DMD: variants seen among roughly 807,000 people sequenced by gnomAD.
DMD encodes the protein dystrophin.
Under a neutral mutation model 330.1 loss-of-function variants are expected in DMD, and 63 were observed. The observed-to-expected ratio is 0.19, with a 90% CI of 0.16 to 0.24. The LOEUF (loss-of-function observed/expected upper bound fraction) is 0.24, where lower values mean the gene tolerates loss of function less well. Ranked by LOEUF, DMD falls within the 10% of genes least tolerant of loss-of-function variation. DMD has a pLI of 1.00. For synonymous variants in DMD, 1,223 were observed against 959.8 expected (o/e 1.27, Z -5.07); for missense variants, 3,344 against 2,684.1 (o/e 1.25, Z -5.43).
chrX:32,232,191 A>G (rs1298492105), intron 43 of DMD, among the ~76,000 whole-genome samples: 1 of 112,073 alleles, frequency 8.9e-6, no homozygotes. Flanking sequence ...TTCAGGAGAC[A>G]TGACCTATTC....
At chrX:32,705,141 C>T (rs2064501706) in intron 7 of DMD, among the ~76,000 whole-genome samples, 1 of 111,932 alleles carries the variant, frequency 8.9e-6, no homozygotes, top group African/African-American at 3.2e-5. Context: ...AGATATACAA[C>T]ATTTTAATTA....
At chrX:31,330,245 G>C (rs187126162) in intron 61 of DMD, among the ~76,000 whole-genome samples, 1,542 of 110,134 alleles carry the variant, frequency 0.014, 23 homozygotes, top group African/African-American at 0.046. Context: ...TACAGTGGAG[G>C]AAAACAAAAG....
At chrX:33,066,469 G>A (rs1358810411) in intron 1 of DMD, among the ~76,000 whole-genome samples, 1 of 99,958 alleles carries the variant, frequency 1.0e-5, no homozygotes, top group South Asian at 4.7e-4. Flanking sequence ...AAAAAGGAAG[G>A]AAGGAAGGAA....
intron 61 of DMD, among the ~76,000 whole-genome samples, chrX:31,341,891 G>GCGCA (rs374298104): frequency 0.036 from 3,564 of 98,797 alleles, 68 homozygotes; most frequent in South Asian, 0.088. Flanking sequence ...GTGCGCGCGC[G>GCGCA]CACACACACA....
intron 1 of DMD, among the ~76,000 whole-genome samples, chrX:33,206,289 T>C (rs1452318820): frequency 8.9e-6 from 1 of 112,110 alleles, no homozygotes; most frequent in Admixed American, 9.5e-5. Flanking sequence ...ACAATTATTT[T>C]CTTAAAATGG....
At chrX:32,757,036 A>G (rs1321846605) in intron 7 of DMD, among the ~76,000 whole-genome samples, 3 of 110,844 alleles carry the variant, frequency 2.7e-5, no homozygotes, top group African/African-American at 9.8e-5. Flanking sequence ...GATTAGCTCC[A>G]TTTTTTTTCT....
chrX:32,094,499 A>T (rs2096493787), intron 44 of DMD, among the ~76,000 whole-genome samples: 2 of 111,821 alleles, frequency 1.8e-5, no homozygotes, highest in South Asian at 7.3e-4. Context: ...TTTGTGAGAT[A>T]TCTCAATACA....
chrX:33,322,493 AG>A (rs1194866480), intron 1 of DMD, among the ~76,000 whole-genome samples: 1 of 111,549 alleles, frequency 9.0e-6, no homozygotes, highest in African/African-American at 3.3e-5. Context: ...AAATGACAAT[AG>A]TAACTTCAAA....
At chrX:31,880,284 T>C (rs768217962) in intron 47 of DMD, among the ~76,000 whole-genome samples, 1 of 111,992 alleles carries the variant, frequency 8.9e-6, no homozygotes, top group East Asian at 2.8e-4. Flanking sequence ...AAAGATTGAA[T>C]ATAATATGCG....
chrX:31,167,494 A>G (rs2039542745), intron 74 of DMD, among the ~76,000 whole-genome samples: 1 of 111,744 alleles, frequency 8.9e-6, no homozygotes, highest in African/African-American at 3.2e-5. Context: ...GATATATTAC[A>G]CGATCATATA....
chrX:32,107,372 GTCTC>G (rs57171203), intron 44 of DMD, among the ~76,000 whole-genome samples: 1 of 80,182 alleles, frequency 1.2e-5, no homozygotes, highest in African/African-American at 5.6e-5. Flanking sequence ...GTGTGTGTGT[GTCTC>G]TGTGTGTGTT....
At chrX:31,384,316 AC>A (rs1281452343) in intron 60 of DMD, among the ~76,000 whole-genome samples, 28 of 25,400 alleles carry the variant, frequency 1.1e-3, no homozygotes, top group Non-Finnish European at 1.6e-3. Flanking sequence ...CTTCACTACT[AC>A]TACTACTACT....
chrX:31,557,362 T>C (rs1398768554), intron 55 of DMD, among the ~76,000 whole-genome samples: 1 of 111,627 alleles, frequency 9.0e-6, no homozygotes, highest in East Asian at 2.8e-4. Context: ...AAGCAAACTG[T>C]CTCAGTATCC....
At chrX:31,602,031 G>T (rs948994340) in intron 55 of DMD, among the ~76,000 whole-genome samples, 1 of 111,579 alleles carries the variant, frequency 9.0e-6, no homozygotes, top group African/African-American at 3.3e-5. Flanking sequence ...CTATTTTATA[G>T]AAATGGCTTC....
chrX:32,755,389 G>C (rs756501405), intron 7 of DMD, among the ~76,000 whole-genome samples: 8 of 111,361 alleles, frequency 7.2e-5, no homozygotes, highest in African/African-American at 2.6e-4. Flanking sequence ...CAATCCTTCT[G>C]AAGTTAAAAT....
chrX:33,198,761 A>G (rs2148820470), intron 1 of DMD, among the ~76,000 whole-genome samples: 1 of 110,992 alleles, frequency 9.0e-6, no homozygotes. Context: ...AGTCACGTAC[A>G]TACATATGGA....
At chrX:32,407,906 A>G (rs2098125112) in intron 30 of DMD, among the ~76,000 whole-genome samples, 1 of 98,093 alleles carries the variant, frequency 1.0e-5, no homozygotes, top group Non-Finnish European at 2.0e-5. Context: ...TCTCACTCAT[A>G]GGTGGGAATT....
rs1395506683 is a variant in DMD, at chrX:32,206,649, A to G, written c.6438+10267T>C. The G allele has an allele frequency of 3.1e-5, 16 of 520,284 alleles. No individual in the cohort carries two copies. The Admixed American group carries it at 3.8e-4, about 12-fold the overall frequency. 42.9% of individuals were successfully genotyped at this position (520,284 alleles called of 1,213,427 possible). A position where few individuals can be genotyped will look rare whatever the true frequency, so the allele number is the denominator to read the frequency against. On this transcript the variant is annotated intron_variant, in intron 44 of 78. Coordinates refer to ENST00000357033, the MANE Select transcript of DMD (RefSeq NM_004006.3). ...AAGGTGGTTCTCTTCCTAAAGTGGA[A>G]GCCAAGTTCATGAATTATGTGAAGA...
At chrX:32,298,732 T>C (rs2097508093) in intron 42 of DMD, among the ~76,000 whole-genome samples, 1 of 110,568 alleles carries the variant, frequency 9.0e-6, no homozygotes, top group African/African-American at 3.3e-5. Context: ...AGGAATTTTA[T>C]TTAGGGGAGG....
Sources: allele counts gnomAD v4.1 joint callset (sites outside exome capture counted in the v4.1 genomes callset), GRCh38; gene constraint gnomAD v4.1.1; transcripts MANE v1.5; gene names NCBI Gene and HGNC (gene_info 2026-07-23, HGNC 2026-07-21).